The following TRPC7 variants were observed in gnomAD, a reference collection of about 807,000 sequenced individuals.
TRPC7 encodes the protein transient receptor potential cation channel subfamily C member 7.
TRPC7 carries 42 observed loss-of-function variants against 90.1 expected under a neutral mutation model. That is an observed-to-expected ratio of 0.47 (90% CI 0.36 to 0.60). The LOEUF (loss-of-function observed/expected upper bound fraction) is 0.60, where lower values mean the gene tolerates loss of function less well. Among genes scored for constraint, TRPC7 ranks in the 20% least tolerant of loss-of-function variants. The pLI is 0.00. For synonymous variants in TRPC7, 451 were observed against 436.3 expected, an observed-to-expected ratio of 1.03 and a Z score of -0.42; for missense variants, 955 against 1,112.3, an observed-to-expected ratio of 0.86 and a Z score of 2.01.
chr5:136,348,303 C>T (rs1760074983), intron 2 of TRPC7, among the ~76,000 whole-genome samples: 1 of 152,208 alleles, frequency 6.6e-6, no homozygotes. Context: ...AGATCCAGAC[C>T]ATGTTACTCA....
intron 5 of TRPC7, among the ~76,000 whole-genome samples, chr5:136,257,629 A>G (rs1200875233): frequency 6.6e-6 from 1 of 152,236 alleles, no homozygotes; most frequent in Non-Finnish European, 1.5e-5. Flanking sequence ...GGTTTACCCT[A>G]CAATGGTAGG....
At chr5:136,309,068 TG>T (rs1225850316) in intron 3 of TRPC7, among the ~76,000 whole-genome samples, 1 of 152,158 alleles carries the variant, frequency 6.6e-6, no homozygotes, top group Non-Finnish European at 1.5e-5. Flanking sequence ...AGGGGCAATG[TG>T]GGTTGAAATG....
intron 3 of TRPC7, among the ~76,000 whole-genome samples, chr5:136,283,686 C>G (rs1757618739): frequency 6.6e-6 from 1 of 152,216 alleles, no homozygotes; most frequent in Non-Finnish European, 1.5e-5. Context: ...CCACCTCATA[C>G]TGAGCTTAGA....
At position 136,315,987 on chromosome 5, in the gene TRPC7, T is replaced by A. The variant is rs1229551205; in HGVS notation, c.781-208A>T. ...TGACCTGAAGGACATTTTCTCTAGG[T>A]CAGCATGTGTGAAGGTGTGGTCCAT... On this transcript the variant is annotated intron_variant, in intron 2 of 11. Transcript: ENST00000513104. 5 of 579,546 alleles carry A rather than the reference T, an allele frequency of 8.6e-6. No homozygotes were observed. In the African/African-American group the frequency reaches 9.4e-5, roughly 11 times the overall value. The allele number at this position is 579,546 out of a possible 1,614,324, so 35.9% of individuals were successfully genotyped here. A position where few individuals can be genotyped will look rare whatever the true frequency, so the allele number is the denominator to read the frequency against.
At chr5:136,276,498 C>T (rs1285998666) in intron 3 of TRPC7, among the ~76,000 whole-genome samples, 1 of 152,160 alleles carries the variant, frequency 6.6e-6, no homozygotes, top group Non-Finnish European at 1.5e-5. Flanking sequence ...TTAAAATTCA[C>T]AATGTAAGTG....
chr5:136,292,142 A>C (rs11740831), intron 3 of TRPC7, among the ~76,000 whole-genome samples: 50,023 of 152,034 alleles, frequency 0.33, 8,580 homozygotes, highest in South Asian at 0.51. Flanking sequence ...CATTCAAAGC[A>C]GTGTGTAGAG....
intron 3 of TRPC7, among the ~76,000 whole-genome samples, chr5:136,313,779 C>T (rs1758919534): frequency 6.6e-6 from 1 of 152,144 alleles, no homozygotes; most frequent in Non-Finnish European, 1.5e-5. Flanking sequence ...ATGTTGATTT[C>T]CTGAGACCTT....
chr5:136,219,161 T>C (rs1443729296), intron 10 of TRPC7, among the ~76,000 whole-genome samples: 1 of 152,116 alleles, frequency 6.6e-6, no homozygotes, highest in African/African-American at 2.4e-5. Flanking sequence ...CATCATACAA[T>C]GGTCATCCCT....
intron 5 of TRPC7, among the ~76,000 whole-genome samples, chr5:136,264,492 AAG>A (rs1756959609): frequency 6.6e-6 from 1 of 152,222 alleles, no homozygotes; most frequent in Non-Finnish European, 1.5e-5. Context: ...TTGTGAAGTT[AAG>A]ACCACAGAAC....
intron 4 of TRPC7, among the ~76,000 whole-genome samples, chr5:136,270,779 C>A (rs1035600475): frequency 6.6e-6 from 1 of 152,146 alleles, no homozygotes; most frequent in African/African-American, 2.4e-5. Context: ...GATCAGCTTC[C>A]GGCACTCTTT....
At chr5:136,352,739 C>A (rs976329593) in intron 2 of TRPC7, among the ~76,000 whole-genome samples, 2 of 152,120 alleles carry the variant, frequency 1.3e-5, no homozygotes, top group South Asian at 4.2e-4. Flanking sequence ...CTCCCAAAAC[C>A]CATTTTAGGT....
intron 1 of TRPC7, 135 bp from the exon 2 acceptor site, chr5:136,357,520 T>TGTCTTAATCATC: frequency 1.0e-6 from 1 of 957,608 alleles, no homozygotes; most frequent in Non-Finnish European, 1.5e-6. Flanking sequence ...TACAAATCAT[T>TGTCTTAATCATC]GTCTTAATCA....
chr5:136,324,650 AT>A (rs1225861404), intron 2 of TRPC7, among the ~76,000 whole-genome samples: 4 of 152,182 alleles, frequency 2.6e-5, no homozygotes, highest in African/African-American at 9.7e-5. Context: ...TTAACTTTTG[AT>A]GATAGGGCCA....
chr5:136,266,181 A>G, intron 5 of TRPC7, 39 bp downstream of exon 5: 1 of 1,546,466 alleles, frequency 6.5e-7, no homozygotes, highest in Non-Finnish European at 8.9e-7. Context: ...TCCTACTATA[A>G]TTAGCAAGGA....
chr5:136,243,019 G>A (rs1272060801), intron 7 of TRPC7, among the ~76,000 whole-genome samples: 1 of 152,236 alleles, frequency 6.6e-6, no homozygotes, highest in East Asian at 1.9e-4. Context: ...GAGGCGGTAT[G>A]TGATTTTAGA....
intron 4 of TRPC7, among the ~76,000 whole-genome samples, chr5:136,269,453 C>T (rs1757134769): frequency 6.6e-6 from 1 of 152,218 alleles, no homozygotes; most frequent in African/African-American, 2.4e-5. Flanking sequence ...CAAGTGTAAG[C>T]ACCTAAGCGG....
intron 2 of TRPC7, among the ~76,000 whole-genome samples, chr5:136,353,349 G>T (rs1009437008): frequency 5.9e-5 from 9 of 152,182 alleles, no homozygotes; most frequent in Non-Finnish European, 1.3e-4. Context: ...GTCAGGAAGA[G>T]TTTTTCCCTG....
intron 5 of TRPC7, among the ~76,000 whole-genome samples, chr5:136,259,613 G>A (rs1306273005): frequency 6.6e-6 from 1 of 152,198 alleles, no homozygotes; most frequent in Non-Finnish European, 1.5e-5. Flanking sequence ...CATCTCTAGT[G>A]CTATAATCTC....
chr5:136,298,535 C>A (rs915985877), intron 3 of TRPC7, among the ~76,000 whole-genome samples: 3 of 152,182 alleles, frequency 2.0e-5, no homozygotes, highest in Non-Finnish European at 2.9e-5. Context: ...CACAGAAACA[C>A]CCATCTCCAG....
Sources: allele counts gnomAD v4.1 joint callset (sites outside exome capture counted in the v4.1 genomes callset), GRCh38; gene constraint gnomAD v4.1.1; transcripts MANE v1.5; gene names NCBI Gene and HGNC (gene_info 2026-07-23, HGNC 2026-07-21).